The following TAS2R1 variants were observed in gnomAD, a reference collection of about 807,000 sequenced individuals.
TAS2R1 encodes the protein taste 2 receptor member 1.
For synonymous variants in TAS2R1, 141 were observed against 134.2 expected (o/e 1.05, Z -0.35); for missense variants, 370 against 353.4 (o/e 1.05, Z -0.38).
the TAS2R1 span, among the ~76,000 whole-genome samples, chr5:9,842,617 C>G: frequency 6.6e-6 from 1 of 152,100 alleles, no homozygotes; most frequent in Non-Finnish European, 1.5e-5. Context: ...GCCACTGTGC[C>G]CAGCACAGTC....
At chr5:9,667,526 C>T (rs1055559554) in intron 1 of TAS2R1, among the ~76,000 whole-genome samples, 1 of 152,200 alleles carries the variant, frequency 6.6e-6, no homozygotes, top group Non-Finnish European at 1.5e-5. Flanking sequence ...TTCCCCTTAT[C>T]CCCACTTGGA....
the TAS2R1 span, among the ~76,000 whole-genome samples, chr5:9,845,373 C>T: frequency 0.29 from 43,823 of 152,104 alleles, 7,017 homozygotes; most frequent in Non-Finnish European, 0.37. Context: ...TTATCTCCCC[C>T]GTAGAATCTA....
At chr5:9,660,213 C>T (rs113509080) in intron 1 of TAS2R1, among the ~76,000 whole-genome samples, 14 of 146,550 alleles carry the variant, frequency 9.6e-5, no homozygotes, top group South Asian at 2.3e-4. Flanking sequence ...AGCCCGCCAC[C>T]GCTCCCGGCT....
At chr5:9,720,076 A>T in the TAS2R1 span, among the ~76,000 whole-genome samples, 1 of 151,872 alleles carries the variant, frequency 6.6e-6, no homozygotes, top group Admixed American at 6.6e-5. Context: ...CCTTATTTAG[A>T]TCTCATCTTA....
chr5:9,785,690 C>G, the TAS2R1 span, among the ~76,000 whole-genome samples: 1 of 152,158 alleles, frequency 6.6e-6, no homozygotes, highest in Non-Finnish European at 1.5e-5. Flanking sequence ...TATAAACCAT[C>G]ACATTTATTT....
chr5:9,773,355 T>C, the TAS2R1 span, among the ~76,000 whole-genome samples: 1 of 152,184 alleles, frequency 6.6e-6, no homozygotes, highest in Non-Finnish European at 1.5e-5. Context: ...CTAGTTACAC[T>C]TACTGTATGT....
the TAS2R1 span, among the ~76,000 whole-genome samples, chr5:9,767,121 A>G: frequency 5.9e-5 from 9 of 152,038 alleles, no homozygotes. Flanking sequence ...TCTGGAAGAC[A>G]CCTGTGATTT....
upstream of TAS2R1, among the ~76,000 whole-genome samples, chr5:9,634,295 T>C (rs1739927887): frequency 6.6e-6 from 1 of 152,182 alleles, no homozygotes; most frequent in African/African-American, 2.4e-5. Flanking sequence ...GTTCCATTGG[T>C]CTATGTGCCT....
At chr5:9,826,920 A>T in the TAS2R1 span, among the ~76,000 whole-genome samples, 1 of 152,158 alleles carries the variant, frequency 6.6e-6, no homozygotes, top group African/African-American at 2.4e-5. Flanking sequence ...AGCTCTTACC[A>T]CTTGGCATTC....
chr5:9,900,539 C>G, the TAS2R1 span, among the ~76,000 whole-genome samples: 1 of 151,410 alleles, frequency 6.6e-6, no homozygotes, highest in African/African-American at 2.4e-5. Context: ...AGAGTACAGT[C>G]GATTTACACA....
At chr5:9,831,680 T>C in the TAS2R1 span, among the ~76,000 whole-genome samples, 2 of 151,918 alleles carry the variant, frequency 1.3e-5, no homozygotes, top group South Asian at 4.2e-4. Flanking sequence ...ATTATACTCA[T>C]TTTTTTAGAT....
chr5:9,795,068 G>C, the TAS2R1 span, among the ~76,000 whole-genome samples: 71 of 152,162 alleles, frequency 4.7e-4, 1 homozygote, highest in Middle Eastern at 3.4e-3. Context: ...TCTTTTTGTG[G>C]GGGGACAGAT....
chr5:9,811,074 C>A, the TAS2R1 span, among the ~76,000 whole-genome samples: 7 of 152,142 alleles, frequency 4.6e-5, no homozygotes, highest in Admixed American at 3.9e-4. Flanking sequence ...GTGGTGTTAT[C>A]AGAAGGTGGT....
chr5:9,838,131 T>C, the TAS2R1 span, among the ~76,000 whole-genome samples: 5 of 152,164 alleles, frequency 3.3e-5, no homozygotes, highest in South Asian at 1.0e-3. Context: ...AGAATCACTT[T>C]GGGAAGCTTT....
the TAS2R1 span, among the ~76,000 whole-genome samples, chr5:9,750,287 G>A: frequency 6.6e-6 from 1 of 152,018 alleles, no homozygotes; most frequent in African/African-American, 2.4e-5. Context: ...TCAAGCTTAG[G>A]TGCTGTAAGA....
At chr5:9,680,838 A>C (rs916050134) in intron 1 of TAS2R1, among the ~76,000 whole-genome samples, 2 of 152,150 alleles carry the variant, frequency 1.3e-5, no homozygotes, top group African/African-American at 4.8e-5. Context: ...GGATCACTTG[A>C]GGTCAGAAGT....
upstream of TAS2R1, among the ~76,000 whole-genome samples, chr5:9,631,823 A>G (rs1364249802): frequency 6.6e-6 from 1 of 152,196 alleles, no homozygotes; most frequent in African/African-American, 2.4e-5. Context: ...TCTTCTCTGA[A>G]TAGGACCATC....
chr5:9,879,739 T>A, the TAS2R1 span, among the ~76,000 whole-genome samples: 1 of 152,210 alleles, frequency 6.6e-6, no homozygotes. Flanking sequence ...AATATACCAA[T>A]GAGGCATCAA....
chr5:9,651,147 A>G (rs1740297576), intron 2 of TAS2R1, among the ~76,000 whole-genome samples: 1 of 152,204 alleles, frequency 6.6e-6, no homozygotes, highest in Non-Finnish European at 1.5e-5. Flanking sequence ...AAATGGAAAA[A>G]TTGAACATAT....
Sources: allele counts gnomAD v4.1 joint callset (sites outside exome capture counted in the v4.1 genomes callset), GRCh38; gene constraint gnomAD v4.1.1; transcripts MANE v1.5; gene names NCBI Gene and HGNC (gene_info 2026-07-23, HGNC 2026-07-21).